The following GRM7 variants were observed in gnomAD, a reference collection of about 807,000 sequenced individuals.
GRM7 encodes glutamate metabotropic receptor 7.
In GRM7, 35 loss-of-function variants were observed where a neutral mutation model predicts 84.5. That is an observed-to-expected ratio of 0.41 (90% confidence interval 0.32 to 0.55). The LOEUF (loss-of-function observed/expected upper bound fraction) is 0.55, where lower values mean the gene tolerates loss of function less well. Among genes scored for constraint, GRM7 ranks in the 20% least tolerant of loss-of-function variants. GRM7 has a pLI of 0.19. For missense variants in GRM7, 1,003 were observed against 1,194.6 expected (o/e 0.84, Z 2.36); for synonymous variants, 487 against 455.1 (o/e 1.07, Z -0.89).
At chr3:7,024,061 G>A (rs1358870965) in intron 1 of GRM7, among the ~76,000 whole-genome samples, 1 of 152,148 alleles carries the variant, frequency 6.6e-6, no homozygotes, top group East Asian at 1.9e-4. Context: ...GGACAACTCG[G>A]TTCAAGTGGC....
Position 7,101,476 on chromosome 3 carries a change from T to C in GRM7, c.520-44976T>C, listed in dbSNP as rs536418873. ...CACTTTTTTACTGTGTTTTTATATT[T>C]AAAGTGCATATCCTGTAAACAGGAT... On this transcript the variant is annotated intron_variant, in intron 1 of 9. Coordinates refer to ENST00000357716, the MANE Select transcript of GRM7 (RefSeq NM_000844.4). 1.6e-3 allele frequency among the ~76,000 whole-genome samples: 250 copies of C among 151,822 alleles called. 1 individual carries two copies. The highest frequency in any genetic ancestry group is 5.6e-3 in the African/African-American group (231 of 41,512).
intron 9 of GRM7, among the ~76,000 whole-genome samples, chr3:7,724,091 T>C (rs1209510798): frequency 6.6e-6 from 1 of 152,070 alleles, no homozygotes; most frequent in Non-Finnish European, 1.5e-5. Flanking sequence ...GTTGTGAGCC[T>C]GATATGTCTG....
chr3:7,727,804 T>C (rs1175894772), intron 9 of GRM7, among the ~76,000 whole-genome samples: 1 of 152,176 alleles, frequency 6.6e-6, no homozygotes, highest in African/African-American at 2.4e-5. Flanking sequence ...TTTGTCTCAC[T>C]TCTCCTATCT....
chr3:7,127,771 G>C (rs1035299488), intron 1 of GRM7, among the ~76,000 whole-genome samples: 1 of 152,014 alleles, frequency 6.6e-6, no homozygotes, highest in African/African-American at 2.4e-5. Context: ...GGGATATTTT[G>C]CCTTTTTTTG....
intron 9 of GRM7, among the ~76,000 whole-genome samples, chr3:7,736,155 T>C (rs1336810275): frequency 1.3e-5 from 2 of 152,190 alleles, no homozygotes; most frequent in Admixed American, 6.5e-5. Flanking sequence ...TTCATTTATT[T>C]GATTTCTTCA....
chr3:7,663,716 G>T (rs1193856132), intron 8 of GRM7, among the ~76,000 whole-genome samples: 1 of 152,126 alleles, frequency 6.6e-6, no homozygotes, highest in Non-Finnish European at 1.5e-5. Flanking sequence ...TGGAGACCAT[G>T]GATTTTATCA....
intron 1 of GRM7, among the ~76,000 whole-genome samples, chr3:6,898,592 A>C (rs747474089): frequency 1.3e-5 from 2 of 152,092 alleles, no homozygotes; most frequent in Non-Finnish European, 2.9e-5. Flanking sequence ...AGGAAAATAA[A>C]AGTGAACTTA....
chr3:7,500,863 T>C (rs1052256907), intron 7 of GRM7, among the ~76,000 whole-genome samples: 4 of 152,160 alleles, frequency 2.6e-5, no homozygotes, highest in Non-Finnish European at 4.4e-5. Flanking sequence ...AAATACTTGG[T>C]ACAGACTCAA....
intron 8 of GRM7, among the ~76,000 whole-genome samples, chr3:7,661,590 C>T (rs1449702956): frequency 6.6e-6 from 1 of 151,732 alleles, no homozygotes; most frequent in Admixed American, 6.6e-5. Context: ...GTCAGGAGAT[C>T]CAGACCATCC....
At chr3:7,094,491 G>T (rs906266535) in intron 1 of GRM7, among the ~76,000 whole-genome samples, 14 of 152,136 alleles carry the variant, frequency 9.2e-5, no homozygotes, top group African/African-American at 3.4e-4. Context: ...ATCAAAACCA[G>T]AAAAGTAAGT....
At chr3:7,176,126 G>A (rs888282814) in intron 2 of GRM7, among the ~76,000 whole-genome samples, 23 of 147,598 alleles carry the variant, frequency 1.6e-4, no homozygotes, top group African/African-American at 5.7e-4. Context: ...AATAGGCCAA[G>A]GAAACATGTT....
chr3:7,336,270 T>C (rs1447162388), intron 4 of GRM7, among the ~76,000 whole-genome samples: 1 of 151,824 alleles, frequency 6.6e-6, no homozygotes, highest in African/African-American at 2.4e-5. Flanking sequence ...ATATAGCACA[T>C]AAACAGAATT....
At chr3:7,702,272 G>A (rs1235006201) in intron 9 of GRM7, among the ~76,000 whole-genome samples, 2 of 152,206 alleles carry the variant, frequency 1.3e-5, no homozygotes, top group Non-Finnish European at 2.9e-5. Context: ...TTGTTAGACT[G>A]TGGGTGTAGA....
intron 1 of GRM7, among the ~76,000 whole-genome samples, chr3:6,955,017 A>G (rs544823735): frequency 7.9e-5 from 12 of 152,338 alleles, no homozygotes; most frequent in African/African-American, 2.6e-4. Flanking sequence ...ATTATAAAGT[A>G]TGTGAAAGTA....
intron 1 of GRM7, among the ~76,000 whole-genome samples, chr3:7,097,973 A>T (rs1017760043): frequency 6.6e-6 from 1 of 152,114 alleles, no homozygotes; most frequent in Non-Finnish European, 1.5e-5. Flanking sequence ...ATTCTCAGCT[A>T]TTATATCCTG....
intron 1 of GRM7, among the ~76,000 whole-genome samples, chr3:7,113,260 TTA>T (rs1292425131): frequency 1.3e-5 from 2 of 152,124 alleles, no homozygotes; most frequent in African/African-American, 2.4e-5. Flanking sequence ...TATAGTGACT[TTA>T]TTTTATTTTT....
chr3:7,501,225 C>G (rs975388267), intron 7 of GRM7, among the ~76,000 whole-genome samples: 16 of 152,132 alleles, frequency 1.1e-4, no homozygotes, highest in Non-Finnish European at 8.8e-5. Flanking sequence ...ATTTCAGAGG[C>G]TTAAGTTTTT....
intron 7 of GRM7, among the ~76,000 whole-genome samples, chr3:7,480,821 A>AT (rs1351596959): frequency 1.3e-5 from 2 of 152,208 alleles, no homozygotes; most frequent in Non-Finnish European, 2.9e-5. Flanking sequence ...TTCTGATTCT[A>AT]TTGAAGCAAC....
At chr3:7,129,499 G>T (rs376235890) in intron 1 of GRM7, among the ~76,000 whole-genome samples, 1 of 152,190 alleles carries the variant, frequency 6.6e-6, no homozygotes, top group African/African-American at 2.4e-5. Flanking sequence ...TTGCAACTAC[G>T]TGTGATTCAT....
Sources: allele counts gnomAD v4.1 joint callset (sites outside exome capture counted in the v4.1 genomes callset), GRCh38; gene constraint gnomAD v4.1.1; transcripts MANE v1.5; gene names NCBI Gene and HGNC (gene_info 2026-07-23, HGNC 2026-07-21).